Variants in DIP2A observed in about 807,000 individuals in gnomAD.
DIP2A encodes DIP2 acetate--CoA ligase A, also known as disco-interacting protein 2 homolog A.
In DIP2A, 85 loss-of-function variants were observed where a neutral mutation model predicts 177.4. The ratio of observed to expected loss-of-function variants is 0.48; its 90% CI spans 0.40 to 0.57. The LOEUF (loss-of-function observed/expected upper bound fraction) is 0.57, where lower values mean the gene tolerates loss of function less well. Ranked by LOEUF, DIP2A falls within the 20% of genes least tolerant of loss-of-function variation. The pLI, the probability that DIP2A is intolerant of heterozygous loss-of-function variation, is 0.00. For synonymous variants in DIP2A, 886 were observed against 881.8 expected (o/e 1.00, Z -0.08); for missense variants, 1,791 against 2,100.2 (o/e 0.85, Z 2.88).
the DIP2A span, among the ~76,000 whole-genome samples, chr21:46,578,824 A>T: frequency 6.6e-6 from 1 of 152,298 alleles, no homozygotes; most frequent in Non-Finnish European, 1.5e-5. Flanking sequence ...TCATGGTAGG[A>T]TAAGCTTTTT....
intron 35 of DIP2A, among the ~76,000 whole-genome samples, chr21:46,564,753 G>A (rs1264092917): frequency 6.6e-6 from 1 of 152,214 alleles, no homozygotes. Context: ...GGCTTCTCCT[G>A]ACTGGGACAA....
In DIP2A at chr21:46,500,965, A is replaced by T. The variant is rs574723677; in HGVS notation, c.655+2132A>T. 6.6e-5 allele frequency among the ~76,000 whole-genome samples: 10 copies of T among 152,180 alleles called. No homozygotes were observed. The East Asian group carries it at 1.3e-3, about 20-fold the overall frequency. ...TTTTGTGATCAATTCTAATACATTT[A>T]AAAAAAATTCTTAACTTGGACTTGA... On this transcript the variant is annotated intron_variant, in intron 5 of 37. Transcript: ENST00000417564.
chr21:46,550,779 C>CT (rs774857068), intron 23 of DIP2A, 35 bp downstream of exon 23: 70 of 1,604,030 alleles, frequency 4.4e-5, no homozygotes, highest in Non-Finnish European at 5.8e-5. Flanking sequence ...GCTCTCTAGT[C>CT]TAACAGTGGT....
intron 36 of DIP2A, 119 bp downstream of exon 36, chr21:46,566,006 T>TCG (rs537814460): frequency 8.3e-7 from 1 of 1,199,652 alleles, no homozygotes; most frequent in African/African-American, 1.6e-5. Flanking sequence ...TTGCTCCTTG[T>TCG]GGGGGGAAGA....
intron 25 of DIP2A, 192 bp from the exon 26 acceptor site, chr21:46,553,977 A>C: frequency 1.6e-6 from 1 of 615,776 alleles, no homozygotes; most frequent in Non-Finnish European, 2.5e-6. Flanking sequence ...CAGCCTGGCC[A>C]ACATGGTGAA....
chr21:46,503,299 G>A (rs1412530313), intron 5 of DIP2A, among the ~76,000 whole-genome samples: 1 of 150,258 alleles, frequency 6.7e-6, no homozygotes, highest in African/African-American at 2.5e-5. Flanking sequence ...CTCCAGTCTG[G>A]GCAGTGATAA....
At chr21:46,546,189 G>A in intron 20 of DIP2A, 1 of 1,318,968 alleles carries the variant, frequency 7.6e-7, no homozygotes, top group Non-Finnish European at 9.7e-7. Context: ...GGGGTCCCCG[G>A]GGTGGATGAG....
At chr21:46,488,221 C>A (rs1475957399) in intron 2 of DIP2A, among the ~76,000 whole-genome samples, 2 of 152,132 alleles carry the variant, frequency 1.3e-5, no homozygotes, top group Non-Finnish European at 2.9e-5. Flanking sequence ...TCTTCCTCCT[C>A]CCCACCATTA....
At chr21:46,578,207 G>A in the DIP2A span, among the ~76,000 whole-genome samples, 2 of 152,194 alleles carry the variant, frequency 1.3e-5, no homozygotes, top group African/African-American at 4.8e-5. Context: ...AGCTACTCAG[G>A]AGGCTGAGGC....
At chr21:46,504,238 T>C (rs1672030181) in intron 5 of DIP2A, 123 bp from the exon 6 acceptor site, 2 of 1,342,214 alleles carry the variant, frequency 1.5e-6, no homozygotes, top group Non-Finnish European at 2.1e-6. Context: ...TTAATGAAAA[T>C]ACCACACTCT....
chr21:46,559,846 G>A (rs561550257), intron 32 of DIP2A, among the ~76,000 whole-genome samples: 13 of 152,262 alleles, frequency 8.5e-5, no homozygotes, highest in Admixed American at 7.8e-4. Flanking sequence ...CAACAGGCTG[G>A]GAAAGCTGGC....
chr21:46,554,103 G>C, intron 25 of DIP2A, 66 bp from the exon 26 acceptor site: 2 of 1,525,808 alleles, frequency 1.3e-6, no homozygotes, highest in Non-Finnish European at 8.8e-7. Context: ...TGGTGTGCAC[G>C]CAGATCTGCG....
chr21:46,564,152 G>C (rs2060761408), intron 35 of DIP2A, among the ~76,000 whole-genome samples: 1 of 152,266 alleles, frequency 6.6e-6, no homozygotes. Flanking sequence ...CTAACCAAGA[G>C]AGGGGAACCC....
intron 1 of DIP2A, among the ~76,000 whole-genome samples, chr21:46,480,818 A>C (rs2056293536): frequency 6.6e-6 from 1 of 152,184 alleles, no homozygotes; most frequent in African/African-American, 2.4e-5. Context: ...ACTGTACTGG[A>C]TTGGAACCTG....
Position 46,496,968 on chromosome 21 carries a change from C to T in DIP2A, c.284-20C>T, listed in dbSNP as rs750494625. On this transcript the variant is annotated intron_variant, in intron 3 of 37. Coordinates refer to ENST00000417564, the MANE Select transcript of DIP2A (RefSeq NM_015151.4). ...AACAGTCTTGTAAAAAGTATTTTTA[C>T]TGCTGTCCTTCCTGTGTAGATGTCC... is the stretch of plus-strand genomic sequence containing the variant. 6.3e-7 allele frequency: 1 copy of T among 1,590,838 alleles called. No individual in the cohort carries two copies. Among genetic ancestry groups the T allele is most frequent in the Non-Finnish European group, 8.5e-7 (1 of 1,172,722 alleles).
chr21:46,520,247 C>T (rs1297116837), intron 8 of DIP2A, among the ~76,000 whole-genome samples: 4 of 152,110 alleles, frequency 2.6e-5, no homozygotes, highest in African/African-American at 7.2e-5. Context: ...CTGTAAATAG[C>T]TCAAAAGAGA....
At chr21:46,513,630 G>C (rs2058412572) in intron 8 of DIP2A, among the ~76,000 whole-genome samples, 1 of 152,128 alleles carries the variant, frequency 6.6e-6, no homozygotes, top group African/African-American at 2.4e-5. Context: ...GATTGGCATT[G>C]CATTGAATCT....
At chr21:46,582,964 C>A in the DIP2A span, among the ~76,000 whole-genome samples, 2 of 151,864 alleles carry the variant, frequency 1.3e-5, no homozygotes, top group African/African-American at 2.4e-5. Flanking sequence ...AACAAGCAAA[C>A]AAACAAAAAC....
At chr21:46,539,837 C>T (rs774832190) in intron 16 of DIP2A, 40 bp from the exon 17 acceptor site, 2 of 1,529,190 alleles carry the variant, frequency 1.3e-6, no homozygotes, top group East Asian at 2.3e-5. Context: ...TGCTGGCCCC[C>T]CAGTTAGTGC....
Sources: gnomAD v4.1 joint callset for allele counts (sites outside exome capture counted in the v4.1 genomes callset) on GRCh38, gnomAD v4.1.1 for gene constraint, MANE v1.5 for transcripts, NCBI Gene and HGNC (gene_info 2026-07-23, HGNC 2026-07-21) for gene names.